The following LRBA variants were observed in gnomAD, a reference collection of about 807,000 sequenced individuals.
LRBA encodes lipopolysaccharide-responsive and beige-like anchor protein.
A neutral mutation model predicts 330.0 loss-of-function variants in LRBA; 176 were observed. The observed-to-expected ratio is 0.53, with a 90% CI of 0.47 to 0.60. LRBA has a LOEUF of 0.60. LRBA is among the 20% of genes least tolerant of loss of function. The pLI is 0.00. For synonymous variants in LRBA, 1,230 were observed against 1,193.0 expected, an observed-to-expected ratio of 1.03 and a Z score of -0.64; for missense variants, 3,259 against 3,444.8, an observed-to-expected ratio of 0.95 and a Z score of 1.35.
Position 150,962,774 on chromosome 4 carries a change from T to C in LRBA, c.217-33709A>G, listed in dbSNP as rs1355160387. ...TTCGACACCAGCCTGACCAACATGGTAGAACCCTGTCTCTACTAAAAATAT... is the reference window on the plus strand; with the variant it reads ...TTCGACACCAGCCTGACCAACATGGCAGAACCCTGTCTCTACTAAAAATAT... On this transcript the variant is annotated intron_variant, in intron 2 of 56. Coordinates refer to ENST00000651943, the MANE Select transcript of LRBA (RefSeq NM_001364905.1). Among the ~76,000 whole-genome samples the C allele has an allele frequency of 1.4e-5, 2 of 148,080 alleles. 1 individual carries two copies. The highest frequency in any genetic ancestry group is 5.3e-5 in the African/African-American group (2 of 37,800).
chr4:150,686,790 C>T (rs1783661659), intron 36 of LRBA, among the ~76,000 whole-genome samples: 1 of 152,052 alleles, frequency 6.6e-6, no homozygotes, highest in Non-Finnish European at 1.5e-5. Flanking sequence ...ACCAAAAACA[C>T]ATTATTAAAT....
chr4:150,516,199 T>C, intron 40 of LRBA, among the ~76,000 whole-genome samples: 1 of 148,220 alleles, frequency 6.7e-6, no homozygotes, highest in Non-Finnish European at 1.5e-5. Flanking sequence ...TGTAATTCAG[T>C]CTGACATTTT....
chr4:150,521,682 G>A (rs1488726791), intron 40 of LRBA, among the ~76,000 whole-genome samples: 1 of 152,144 alleles, frequency 6.6e-6, no homozygotes, highest in Non-Finnish European at 1.5e-5. Context: ...TTGATTTCTA[G>A]TTCAACTGAA....
intron 35 of LRBA, among the ~76,000 whole-genome samples, chr4:150,758,821 C>T (rs1392884179): frequency 6.6e-6 from 1 of 151,924 alleles, no homozygotes; most frequent in East Asian, 1.9e-4. Context: ...GCGATCCTCC[C>T]ACCTCGGCCT....
intron 17 of LRBA, among the ~76,000 whole-genome samples, chr4:150,875,104 T>C (rs2127018478): frequency 6.6e-6 from 1 of 152,192 alleles, no homozygotes; most frequent in Non-Finnish European, 1.5e-5. Context: ...GACTACTCAG[T>C]CACCTGGAAC....
chr4:150,558,553 C>T (rs958740314), intron 40 of LRBA, among the ~76,000 whole-genome samples: 1 of 152,108 alleles, frequency 6.6e-6, no homozygotes, highest in African/African-American at 2.4e-5. Context: ...ATAATATGCT[C>T]CAGGCTCATC....
chr4:150,359,926 G>A (rs1159943258), intron 47 of LRBA, among the ~76,000 whole-genome samples: 1 of 151,384 alleles, frequency 6.6e-6, no homozygotes, highest in Non-Finnish European at 1.5e-5. Flanking sequence ...GTTGCAGTGA[G>A]CCAAGATCAC....
intron 36 of LRBA, among the ~76,000 whole-genome samples, chr4:150,693,237 C>T (rs1784293320): frequency 6.6e-6 from 1 of 152,070 alleles, no homozygotes; most frequent in Non-Finnish European, 1.5e-5. Context: ...GAATAAAATA[C>T]ATGTTTTATA....
At chr4:150,314,157 G>A (rs1480259847) in intron 51 of LRBA, among the ~76,000 whole-genome samples, 2 of 152,050 alleles carry the variant, frequency 1.3e-5, no homozygotes, top group East Asian at 3.8e-4. Flanking sequence ...TGATAGCATA[G>A]GATATTCATT....
At chr4:150,703,670 A>C (rs1561533546) in intron 36 of LRBA, among the ~76,000 whole-genome samples, 1 of 152,204 alleles carries the variant, frequency 6.6e-6, no homozygotes. Context: ...AAAAGGTAGT[A>C]AAGGTCAGCC....
At chr4:150,315,786 G>A (rs1281290833) in intron 50 of LRBA, among the ~76,000 whole-genome samples, 163 bp from the exon 51 acceptor site, 1 of 152,110 alleles carries the variant, frequency 6.6e-6, no homozygotes, top group East Asian at 1.9e-4. Context: ...TTTATGGCTA[G>A]CTTATTAAAC....
chr4:150,452,480 C>T (rs1043345020), intron 44 of LRBA, among the ~76,000 whole-genome samples: 2 of 151,736 alleles, frequency 1.3e-5, no homozygotes, highest in Admixed American at 6.6e-5. Flanking sequence ...AAATTAGCCG[C>T]GTGCGGTGGT....
At chr4:150,615,451 C>G (rs1051543198) in intron 37 of LRBA, among the ~76,000 whole-genome samples, 1 of 152,120 alleles carries the variant, frequency 6.6e-6, no homozygotes, top group Admixed American at 6.5e-5. Flanking sequence ...GAACAAATAG[C>G]AGCAGTGGAA....
chr4:150,746,111 G>A (rs1212498425), intron 35 of LRBA, among the ~76,000 whole-genome samples: 1 of 152,088 alleles, frequency 6.6e-6, no homozygotes, highest in Non-Finnish European at 1.5e-5. Context: ...AACATATACA[G>A]TATTTATGTG....
intron 37 of LRBA, among the ~76,000 whole-genome samples, chr4:150,630,142 T>C (rs1464311119): frequency 6.6e-6 from 1 of 152,176 alleles, no homozygotes; most frequent in Non-Finnish European, 1.5e-5. Flanking sequence ...TTCAATTGTT[T>C]TTTCCTAAAT....
At chr4:150,640,732 A>G (rs573760243) in intron 37 of LRBA, among the ~76,000 whole-genome samples, 2 of 152,254 alleles carry the variant, frequency 1.3e-5, no homozygotes, top group African/African-American at 4.8e-5. Flanking sequence ...TCTAGTCTCC[A>G]TCACTTGAAC....
intron 40 of LRBA, among the ~76,000 whole-genome samples, chr4:150,568,790 G>C (rs978047618): frequency 6.6e-6 from 1 of 152,046 alleles, no homozygotes; most frequent in Non-Finnish European, 1.5e-5. Flanking sequence ...ACTTAAACTA[G>C]TATTCTGGAA....
intron 37 of LRBA, among the ~76,000 whole-genome samples, chr4:150,683,017 A>G (rs1582032050): frequency 6.6e-6 from 1 of 152,130 alleles, no homozygotes; most frequent in African/African-American, 2.4e-5. Context: ...AGATATATTG[A>G]GTAAAACTTT....
chr4:150,878,413 C>A (rs1754306341), intron 17 of LRBA, among the ~76,000 whole-genome samples: 1 of 151,918 alleles, frequency 6.6e-6, no homozygotes, highest in Admixed American at 6.6e-5. Flanking sequence ...AATTAACAAT[C>A]TAACATCACA....
Sources: gnomAD v4.1 joint callset for allele counts (sites outside exome capture counted in the v4.1 genomes callset) on GRCh38, gnomAD v4.1.1 for gene constraint, MANE v1.5 for transcripts, NCBI Gene and HGNC (gene_info 2026-07-23, HGNC 2026-07-21) for gene names.